The following DLC1 variants were observed in gnomAD, a reference collection of about 807,000 sequenced individuals.
The protein encoded by DLC1 is DLC1 Rho GTPase activating protein.
A neutral mutation model predicts 140.3 loss-of-function variants in DLC1; 54 were observed. The observed-to-expected ratio is 0.38, with a 90% confidence interval of 0.31 to 0.48. DLC1 has a LOEUF of 0.48. Among genes scored for constraint, DLC1 ranks in the 20% least tolerant of loss-of-function variants. DLC1 has a pLI of 0.96. For synonymous variants in DLC1, 986 were observed against 728.1 expected, an observed-to-expected ratio of 1.35 and a Z score of -5.70; for missense variants, 2,536 against 1,907.0, an observed-to-expected ratio of 1.33 and a Z score of -6.14.
chr8:13,130,083 C>T (rs7014594), intron 5 of DLC1, among the ~76,000 whole-genome samples: 5,893 of 152,232 alleles, frequency 0.039, 280 homozygotes, highest in African/African-American at 0.11. Context: ...CTCTTCTGGA[C>T]CAAATCACCC....
At chr8:13,519,232 A>G (rs1053628628), upstream of DLC1, among the ~76,000 whole-genome samples, 1 of 147,554 alleles carries the variant, frequency 6.8e-6, no homozygotes, top group African/African-American at 2.5e-5. Context: ...GGTTCACGCC[A>G]TTCTCCTGCC....
chr8:13,295,341 A>G lies in DLC1; in HGVS notation c.1348+9928T>C, dbSNP rs540250093. On this transcript the variant is annotated intron_variant, in intron 5 of 17. Coordinates refer to ENST00000276297, the MANE Select transcript of DLC1 (RefSeq NM_182643.3). ...TGTGCATCAGCACTCTTTAGTGAGT[A>G]TTTTAGTTAAGTAGAAATTTAAGAA... 9.2e-5 allele frequency among the ~76,000 whole-genome samples: 14 copies of G among 152,364 alleles called. No homozygotes were observed. The South Asian group carries it at 2.7e-3, about 29-fold the overall frequency.
intron 4 of DLC1, among the ~76,000 whole-genome samples, chr8:13,313,409 A>G (rs995343583): frequency 1.3e-5 from 2 of 152,240 alleles, no homozygotes; most frequent in Admixed American, 6.5e-5. Flanking sequence ...ATGAACACGT[A>G]CAAGGTTTCT....
At chr8:13,576,984 C>T (rs998651742) in intron 1 of DLC1, among the ~76,000 whole-genome samples, 2 of 152,160 alleles carry the variant, frequency 1.3e-5, no homozygotes, top group African/African-American at 4.8e-5. Context: ...ATATCTCTGA[C>T]TGTGAAGTGC....
At chr8:13,448,288 A>G (rs1432214069) in intron 2 of DLC1, among the ~76,000 whole-genome samples, 3 of 152,132 alleles carry the variant, frequency 2.0e-5, no homozygotes, top group East Asian at 1.9e-4. Flanking sequence ...TATTCGAGCA[A>G]TAGTCATGGG....
chr8:13,393,849 C>A (rs1280767140), intron 3 of DLC1, among the ~76,000 whole-genome samples, 156 bp from the exon 4 acceptor site: 1 of 152,204 alleles, frequency 6.6e-6, no homozygotes, highest in Non-Finnish European at 1.5e-5. Flanking sequence ...CACACATAAT[C>A]ATGCATTATT....
chr8:13,276,487 T>G (rs1207753118), intron 5 of DLC1: 1 of 1,327,724 alleles, frequency 7.5e-7, no homozygotes, highest in East Asian at 3.1e-5. Context: ...CCGCAGGCTG[T>G]CGCCTGCCTT....
intron 5 of DLC1, among the ~76,000 whole-genome samples, chr8:13,144,209 C>A (rs983956090): frequency 6.6e-6 from 1 of 152,184 alleles, no homozygotes; most frequent in South Asian, 2.1e-4. Flanking sequence ...CAAATTTGTT[C>A]TCTTCTGGGG....
intron 2 of DLC1, among the ~76,000 whole-genome samples, chr8:13,463,762 G>A (rs1280007846): frequency 1.3e-5 from 2 of 152,100 alleles, no homozygotes; most frequent in Non-Finnish European, 1.5e-5. Flanking sequence ...GGATTCCCAG[G>A]ACCTATGTCT....
intron 5 of DLC1, among the ~76,000 whole-genome samples, chr8:13,253,813 T>G (rs904311024): frequency 1.3e-5 from 2 of 152,110 alleles, no homozygotes; most frequent in African/African-American, 4.8e-5. Flanking sequence ...TTAATAACCT[T>G]CATGTATTAG....
intron 2 of DLC1, among the ~76,000 whole-genome samples, chr8:13,407,253 G>A (rs1837610025): frequency 6.6e-6 from 1 of 152,176 alleles, no homozygotes; most frequent in African/African-American, 2.4e-5. Flanking sequence ...GGTATCTGGG[G>A]AAGATGAATA....
intron 3 of DLC1, among the ~76,000 whole-genome samples, chr8:13,398,897 T>C (rs1429593694): frequency 6.6e-6 from 1 of 152,124 alleles, no homozygotes; most frequent in Admixed American, 6.5e-5. Flanking sequence ...TGCCGGGACA[T>C]CTCTCAATGG....
intron 17 of DLC1, 104 bp downstream of exon 17, chr8:13,086,186 A>G (rs1270532135): frequency 2.7e-6 from 4 of 1,461,690 alleles, no homozygotes; most frequent in Non-Finnish European, 2.8e-6. Flanking sequence ...TGAAGTCACC[A>G]AGAAAAAATG....
At chr8:13,295,873 C>G (rs1478603300) in intron 5 of DLC1, among the ~76,000 whole-genome samples, 1 of 148,338 alleles carries the variant, frequency 6.7e-6, no homozygotes, top group Non-Finnish European at 1.5e-5. Context: ...AAACTGCAAA[C>G]TGTGCACTGG....
chr8:13,564,482 C>T (rs767522607), intron 1 of DLC1, among the ~76,000 whole-genome samples: 7 of 152,158 alleles, frequency 4.6e-5, no homozygotes, highest in Non-Finnish European at 8.8e-5. Flanking sequence ...TTTTTGAAGG[C>T]TCTGTCATCG....
At chr8:13,449,732 A>G (rs1469621019) in intron 2 of DLC1, among the ~76,000 whole-genome samples, 3 of 152,164 alleles carry the variant, frequency 2.0e-5, no homozygotes, top group Non-Finnish European at 4.4e-5. Context: ...TGACAAGTTA[A>G]TGGGTACAGC....
intron 5 of DLC1, among the ~76,000 whole-genome samples, chr8:13,257,437 AGG>A (rs1830283460): frequency 1.3e-5 from 1 of 74,152 alleles, no homozygotes. Flanking sequence ...ACCCTGTCTC[AGG>A]AAAAAAAAAA....
At chr8:13,568,888 A>G (rs1203654994) in intron 1 of DLC1, among the ~76,000 whole-genome samples, 1 of 152,196 alleles carries the variant, frequency 6.6e-6, no homozygotes, top group African/African-American at 2.4e-5. Context: ...TTGAGGAAAA[A>G]TGTAAGTAAA....
chr8:13,487,824 G>A (rs576738014), intron 2 of DLC1, among the ~76,000 whole-genome samples: 26 of 152,226 alleles, frequency 1.7e-4, no homozygotes, highest in Admixed American at 3.3e-4. Flanking sequence ...ACCCGCCTCA[G>A]CCTCCCAAAG....
Sources: gnomAD v4.1 joint callset for allele counts (sites outside exome capture counted in the v4.1 genomes callset) on GRCh38, gnomAD v4.1.1 for gene constraint, MANE v1.5 for transcripts, NCBI Gene and HGNC (gene_info 2026-07-23, HGNC 2026-07-21) for gene names.